The following BBOX1 variants were observed in gnomAD, a reference collection of about 807,000 sequenced individuals.
BBOX1 encodes the protein gamma-butyrobetaine hydroxylase 1.
In BBOX1, 35 loss-of-function variants were observed where a neutral mutation model predicts 41.6. The ratio of observed to expected loss-of-function variants is 0.84; its 90% CI spans 0.64 to 1.11. The LOEUF (loss-of-function observed/expected upper bound fraction) is 1.11, where lower values mean the gene tolerates loss of function less well. Among genes scored for constraint, BBOX1 ranks in the 50% most tolerant of loss-of-function variants. The probability of loss-of-function intolerance (pLI) is 0.00; values close to 1 mark genes in which losing one functional copy is unlikely to be tolerated. For synonymous variants in BBOX1, 163 were observed against 154.7 expected (o/e 1.05, Z -0.40); for missense variants, 458 against 460.6 (o/e 0.99, Z 0.05).
At chr11:27,065,240 T>G (rs146273200) in intron 4 of BBOX1, among the ~76,000 whole-genome samples, 45 of 152,298 alleles carry the variant, frequency 3.0e-4, no homozygotes, top group African/African-American at 9.1e-4. Context: ...AAGGGACCTA[T>G]TGACTTTCAG....
intron 5 of BBOX1, among the ~76,000 whole-genome samples, chr11:27,097,847 C>T (rs932446592): frequency 2.6e-5 from 4 of 151,878 alleles, no homozygotes; most frequent in South Asian, 2.1e-4. Flanking sequence ...CACAGGCTAC[C>T]GTTGTGTAAA....
At chr11:27,051,494 G>A (rs1564952318) in intron 2 of BBOX1, among the ~76,000 whole-genome samples, 4 of 152,056 alleles carry the variant, frequency 2.6e-5, no homozygotes, top group African/African-American at 9.6e-5. Flanking sequence ...TTTGATTACC[G>A]ACTTAATCTT....
intron 4 of BBOX1, among the ~76,000 whole-genome samples, chr11:27,059,368 C>T (rs146654916): frequency 0.013 from 1,970 of 152,280 alleles, 19 homozygotes; most frequent in Non-Finnish European, 0.02. Flanking sequence ...CGGTTTTTGC[C>T]ATTAAAAGTA....
intron 4 of BBOX1, among the ~76,000 whole-genome samples, chr11:27,081,689 T>A (rs891536702): frequency 6.6e-6 from 1 of 152,104 alleles, no homozygotes; most frequent in African/African-American, 2.4e-5. Flanking sequence ...AAAAGCATTC[T>A]GATTTCTCCA....
chr11:27,088,169 G>T (rs535928846), intron 4 of BBOX1, among the ~76,000 whole-genome samples: 2 of 151,990 alleles, frequency 1.3e-5, no homozygotes, highest in South Asian at 4.1e-4. Context: ...AGTATGTAGT[G>T]TGTGCCCTAA....
At chr11:27,066,383 C>T (rs1857279770) in intron 4 of BBOX1, 1 of 152,018 alleles carries the variant, frequency 6.6e-6, no homozygotes, top group African/African-American at 2.4e-5. Flanking sequence ...TCAGGTTTAC[C>T]AAATGTACAC....
chr11:27,080,337 C>T (rs1483203725), intron 4 of BBOX1, among the ~76,000 whole-genome samples: 3 of 152,078 alleles, frequency 2.0e-5, no homozygotes, highest in Non-Finnish European at 4.4e-5. Context: ...ACCATTACTA[C>T]ACTGAATGGT....
intron 4 of BBOX1, among the ~76,000 whole-genome samples, chr11:27,059,614 G>A (rs1264222097): frequency 6.6e-6 from 1 of 152,116 alleles, no homozygotes; most frequent in Non-Finnish European, 1.5e-5. Flanking sequence ...GGCACTCAAC[G>A]ACCTGTGACA....
intron 4 of BBOX1, among the ~76,000 whole-genome samples, chr11:27,073,558 C>A (rs1192556121): frequency 2.0e-5 from 3 of 149,340 alleles, no homozygotes; most frequent in Non-Finnish European, 4.4e-5. Context: ...CATCCCATTA[C>A]TGGGTATATA....
intron 4 of BBOX1, 131 bp downstream of exon 4, chr11:27,057,446 T>C: frequency 1.4e-6 from 1 of 704,524 alleles, no homozygotes; most frequent in South Asian, 1.8e-5. Flanking sequence ...TTATGTGGTG[T>C]ATTTAAAGTT....
At chr11:27,057,501 G>A in intron 4 of BBOX1, 186 bp downstream of exon 4, 2 of 547,410 alleles carry the variant, frequency 3.7e-6, no homozygotes, top group Non-Finnish European at 6.3e-6. Context: ...GGAGTATAGA[G>A]TAATTCTAGA....
intron 2 of BBOX1, among the ~76,000 whole-genome samples, chr11:27,053,872 C>T (rs753066289): frequency 1.3e-5 from 2 of 152,014 alleles, no homozygotes; most frequent in Non-Finnish European, 2.9e-5. Context: ...CAGAAATAAG[C>T]ATGAGAGCCA....
At chr11:27,106,175 T>G (rs1174824680) in intron 5 of BBOX1, among the ~76,000 whole-genome samples, 2 of 151,960 alleles carry the variant, frequency 1.3e-5, no homozygotes, top group African/African-American at 4.8e-5. Context: ...AGGAAGAAAC[T>G]GCATCAACTA....
At chr11:27,083,567 A>C (rs1857929503) in intron 4 of BBOX1, among the ~76,000 whole-genome samples, 1 of 152,076 alleles carries the variant, frequency 6.6e-6, no homozygotes, top group Non-Finnish European at 1.5e-5. Flanking sequence ...TTTGGCATAA[A>C]TAGCTTCTCT....
At position 27,118,924 on chromosome 11, in the gene BBOX1, CA is replaced by C. The variant is rs11396790; in HGVS notation, c.640-710del. Among the ~76,000 whole-genome samples the C allele has an allele frequency of 6.4e-3, 888 of 139,086 alleles. 2 individuals are homozygous for C. The highest frequency in any genetic ancestry group is 0.019 in the African/African-American group (728 of 38,116). 91.2% of individuals were successfully genotyped at this position (139,086 alleles called of 152,430 possible). On this transcript the variant is annotated intron_variant, in intron 6 of 8. Coordinates refer to ENST00000263182, the MANE Select transcript of BBOX1 (RefSeq NM_003986.3). ...TTGCTACTCTGACCAGTTCCTTCCTCAAAAAAAAAAAAAAACATAATCCTAT... is the reference window on the plus strand; with the variant it reads ...TTGCTACTCTGACCAGTTCCTTCCTCAAAAAAAAAAAAAACATAATCCTAT...
At chr11:27,068,481 G>A (rs532872475) in intron 4 of BBOX1, among the ~76,000 whole-genome samples, 1 of 151,946 alleles carries the variant, frequency 6.6e-6, no homozygotes, top group African/African-American at 2.4e-5. Context: ...CCTTTGTTGG[G>A]ATGGATAGTT....
chr11:27,053,517 A>G (rs1175040051), intron 2 of BBOX1, among the ~76,000 whole-genome samples: 1 of 152,214 alleles, frequency 6.6e-6, no homozygotes, highest in East Asian at 1.9e-4. Context: ...ATTTTACAGA[A>G]CATATTTGCC....
At chr11:27,088,387 A>G (rs1858120511) in intron 4 of BBOX1, among the ~76,000 whole-genome samples, 1 of 152,116 alleles carries the variant, frequency 6.6e-6, no homozygotes, top group Non-Finnish European at 1.5e-5. Context: ...ATACTAAAGA[A>G]GAGAAGCTAG....
At chr11:27,099,464 C>T (rs535770439) in intron 5 of BBOX1, among the ~76,000 whole-genome samples, 3 of 148,658 alleles carry the variant, frequency 2.0e-5, no homozygotes, top group South Asian at 2.2e-4. Context: ...TGGTAGTCAA[C>T]TTTTATCTTG....
Sources: gnomAD v4.1 joint callset for allele counts (sites outside exome capture counted in the v4.1 genomes callset) on GRCh38, gnomAD v4.1.1 for gene constraint, MANE v1.5 for transcripts, NCBI Gene and HGNC (gene_info 2026-07-23, HGNC 2026-07-21) for gene names.